The following DLGAP1 variants were observed in gnomAD, a reference collection of about 807,000 sequenced individuals.
DLGAP1 encodes DLG associated protein 1.
A neutral mutation model predicts 90.8 loss-of-function variants in DLGAP1; 11 were observed. That is an observed-to-expected ratio of 0.12 (90% confidence interval 0.08 to 0.20). The LOEUF is 0.20. Among genes scored for constraint, DLGAP1 ranks in the 10% least tolerant of loss-of-function variants. DLGAP1 has a pLI of 1.00. For synonymous variants in DLGAP1, 558 were observed against 540.7 expected (o/e 1.03, Z -0.44); for missense variants, 1,050 against 1,333.8 (o/e 0.79, Z 3.31).
intron 9 of DLGAP1, among the ~76,000 whole-genome samples, chr18:3,556,458 T>G (rs2053755825): frequency 6.6e-6 from 1 of 152,242 alleles, no homozygotes; most frequent in African/African-American, 2.4e-5. Flanking sequence ...TAGTCATCTT[T>G]TTACTGTCTC....
chr18:3,834,305 C>CAAAAAAAAAAAAAAAAAAAAAAAAAAAAA, intron 4 of DLGAP1, among the ~76,000 whole-genome samples: 1 of 33,166 alleles, frequency 3.0e-5, no homozygotes, highest in Non-Finnish European at 5.9e-5. Context: ...GACTCTGTCT[C>CAAAAAAAAAAAAAAAAAAAAAAAAAAAAA]AAAAAAAAAA....
chr18:3,881,427 C>A (rs1320029842), intron 3 of DLGAP1, among the ~76,000 whole-genome samples: 1 of 152,194 alleles, frequency 6.6e-6, no homozygotes. Context: ...ATTAGTTCCT[C>A]TCTTGTGTTT....
intron 7 of DLGAP1, chr18:3,656,011 G>C: frequency 7.1e-7 from 1 of 1,413,068 alleles, no homozygotes; most frequent in Non-Finnish European, 9.5e-7. Context: ...TGCCACAGAA[G>C]CTTTTTAGCT....
intron 7 of DLGAP1, among the ~76,000 whole-genome samples, chr18:3,621,491 A>G (rs1462826200): frequency 6.6e-6 from 1 of 152,234 alleles, no homozygotes; most frequent in African/African-American, 2.4e-5. Flanking sequence ...AAATGGAGGT[A>G]TAAACCCACT....
At chr18:4,249,567 T>C (rs1359708038) in intron 1 of DLGAP1, among the ~76,000 whole-genome samples, 1 of 152,130 alleles carries the variant, frequency 6.6e-6, no homozygotes, top group Non-Finnish European at 1.5e-5. Context: ...ATGATGGATT[T>C]CTGCATTTGT....
In DLGAP1 at chr18:3,600,969, G is replaced by GATATATAGAT. The variant is rs1555695758; in HGVS notation, c.1592-18722_1592-18721insATCTATATAT. On this transcript the variant is annotated intron_variant, in intron 7 of 12. Transcript: ENST00000315677. ...ATATATAGATATATATAGATATATA[G>GATATATAGAT]ATAGATATATAGATATAGATATATA... Among the ~76,000 whole-genome samples, 3 of 87,504 alleles carry GATATATAGAT rather than the reference G, an allele frequency of 3.4e-5. 1 individual carries two copies. The South Asian group carries it at 9.8e-4, about 29-fold the overall frequency. The allele number at this position is 87,504 out of a possible 152,430, so 57.4% of individuals were successfully genotyped here.
intron 7 of DLGAP1, among the ~76,000 whole-genome samples, chr18:3,639,743 C>G (rs944153106): frequency 2.1e-5 from 3 of 146,054 alleles, no homozygotes; most frequent in African/African-American, 7.8e-5. Context: ...CTCCTGCTAC[C>G]TGCAGAGTTG....
intron 1 of DLGAP1, among the ~76,000 whole-genome samples, chr18:4,263,957 T>G (rs1158141566): frequency 1.3e-5 from 2 of 152,218 alleles, no homozygotes; most frequent in African/African-American, 4.8e-5. Context: ...CGAAAGCAAA[T>G]AGTCTTTCTG....
intron 1 of DLGAP1, among the ~76,000 whole-genome samples, chr18:4,322,031 C>T (rs865884052): frequency 6.6e-6 from 1 of 151,886 alleles, no homozygotes; most frequent in Non-Finnish European, 1.5e-5. Context: ...GAAACCCTGT[C>T]TCTACTAAAA....
Position 4,204,653 on chromosome 18 carries a change from T to C in DLGAP1, c.-266-53366A>G, listed in dbSNP as rs114867206. ...CTTGAAAGATATATGGTGTGCTCAA[T>C]TGAAAAATCTATTACTTAATTAGTT... On this transcript the variant is annotated intron_variant, in intron 1 of 12. Transcript: ENST00000315677. Among the ~76,000 whole-genome samples the C allele has an allele frequency of 2.2e-3, 330 of 152,268 alleles. 5 individuals are homozygous for C. The highest frequency in any genetic ancestry group is 7.4e-3 in the African/African-American group (309 of 41,546).
intron 2 of DLGAP1, among the ~76,000 whole-genome samples, chr18:4,062,150 T>G (rs373545988): frequency 1.3e-5 from 2 of 152,216 alleles, no homozygotes; most frequent in South Asian, 2.1e-4. Context: ...TATTTCTTTC[T>G]ACCTGAGTAC....
chr18:3,977,074 T>C (rs1393924359), intron 3 of DLGAP1, among the ~76,000 whole-genome samples: 1 of 152,154 alleles, frequency 6.6e-6, no homozygotes, highest in Non-Finnish European at 1.5e-5. Context: ...ATTTTATTTA[T>C]TTATTTTTAT....
At chr18:3,720,158 G>C (rs2061921520) in intron 7 of DLGAP1, among the ~76,000 whole-genome samples, 1 of 152,128 alleles carries the variant, frequency 6.6e-6, no homozygotes, top group Non-Finnish European at 1.5e-5. Context: ...ATTAAACTTT[G>C]ACAGTTTGTC....
intron 5 of DLGAP1, among the ~76,000 whole-genome samples, chr18:3,788,875 A>C (rs184859873): frequency 1.6e-4 from 25 of 152,362 alleles, no homozygotes; most frequent in African/African-American, 6.0e-4. Context: ...GTGTGCTATG[A>C]ACAAAACAGT....
At chr18:4,355,874 G>GTTTTTTTTTTTTTTTTTTTTTT (rs1276588598) in intron 1 of DLGAP1, among the ~76,000 whole-genome samples, 1 of 147,720 alleles carries the variant, frequency 6.8e-6, no homozygotes, top group Non-Finnish European at 1.5e-5. Flanking sequence ...TTCCTCTTCT[G>GTTTTTTTTTTTTTTTTTTTTTT]CTTTTTTAAT....
intron 1 of DLGAP1, among the ~76,000 whole-genome samples, chr18:4,263,695 G>T (rs2079048352): frequency 6.6e-6 from 1 of 152,190 alleles, no homozygotes; most frequent in African/African-American, 2.4e-5. Context: ...GGATAAATGT[G>T]CAATTAATCA....
intron 1 of DLGAP1, among the ~76,000 whole-genome samples, chr18:4,393,838 G>A (rs929962157): frequency 6.6e-6 from 1 of 152,138 alleles, no homozygotes; most frequent in African/African-American, 2.4e-5. Flanking sequence ...ATTCTCATAA[G>A]AAGCGTTCAA....
At chr18:3,935,874 C>T (rs1242879291) in intron 3 of DLGAP1, among the ~76,000 whole-genome samples, 1 of 152,210 alleles carries the variant, frequency 6.6e-6, no homozygotes, top group African/African-American at 2.4e-5. Context: ...GCCATTTTCC[C>T]TTCAGGATTT....
chr18:4,099,959 C>T (rs2075754792), intron 2 of DLGAP1, among the ~76,000 whole-genome samples: 1 of 152,118 alleles, frequency 6.6e-6, no homozygotes. Context: ...CTCAAGTGAT[C>T]CTCCCACCTT....
Sources: allele counts gnomAD v4.1 joint callset (sites outside exome capture counted in the v4.1 genomes callset), GRCh38; gene constraint gnomAD v4.1.1; transcripts MANE v1.5; gene names NCBI Gene and HGNC (gene_info 2026-07-23, HGNC 2026-07-21).